The following RALGAPA2 variants were observed in gnomAD, a reference collection of about 807,000 sequenced individuals.
RALGAPA2 encodes ral GTPase-activating protein subunit alpha-2.
RALGAPA2 carries 139 observed loss-of-function variants against 230.4 expected under a neutral mutation model. The observed-to-expected ratio is 0.60, with a 90% CI of 0.53 to 0.69. The LOEUF is 0.69. Among genes scored for constraint, RALGAPA2 ranks in the 30% least tolerant of loss-of-function variants. The pLI, the probability that RALGAPA2 is intolerant of heterozygous loss-of-function variation, is 0.00. For synonymous variants in RALGAPA2, 847 were observed against 837.8 expected, an observed-to-expected ratio of 1.01 and a Z score of -0.19; for missense variants, 2,163 against 2,276.0, an observed-to-expected ratio of 0.95 and a Z score of 1.01.
At chr20:20,583,331 G>T in intron 19 of RALGAPA2, 105 bp from the exon 20 acceptor site, 1 of 1,231,680 alleles carries the variant, frequency 8.1e-7, no homozygotes, top group South Asian at 1.6e-5. Flanking sequence ...GACACAGTAG[G>T]AATCATTCAT....
intron 16 of RALGAPA2, among the ~76,000 whole-genome samples, 199 bp downstream of exon 16, chr20:20,601,483 T>C (rs1210378406): frequency 6.6e-6 from 1 of 152,212 alleles, no homozygotes; most frequent in Non-Finnish European, 1.5e-5. Context: ...TTTCTCACAA[T>C]GGAGGATTTA....
In RALGAPA2 at chr20:20,541,698, A is replaced by AC. The variant is rs2063646715; in HGVS notation, c.3286-4915dup. 2.6e-5 allele frequency among the ~76,000 whole-genome samples: 4 copies of AC among 152,320 alleles called. No homozygotes were observed. In the South Asian group the frequency reaches 8.3e-4, roughly 32 times the overall value. ...TTCCATTTAATATTTTTGGACCACC[A>AC]CTGACTGTGGTAACTGATATCAGAA... On this transcript the variant is annotated intron_variant, in intron 24 of 39. Coordinates refer to ENST00000202677, the MANE Select transcript of RALGAPA2 (RefSeq NM_020343.4).
intron 38 of RALGAPA2, among the ~76,000 whole-genome samples, chr20:20,402,933 T>C (rs947364004): frequency 6.6e-6 from 1 of 152,190 alleles, no homozygotes; most frequent in Non-Finnish European, 1.5e-5. Context: ...CTCACTCAGC[T>C]CTAAGGAGGC....
Position 20,620,495 on chromosome 20 carries a change from T to A in RALGAPA2, c.1369A>T (p.Lys457Ter), listed in dbSNP as rs766475836. ...CTATCAGTCTCGGAAAATCCTAATT[T>A]TTCAGCATCTTCTTGGGCAACATCT... ...RKDVAQEDAE[K>*]LGFSETDSKE... The change falls in exon 11 of 40, where the codon AAA (lysine) becomes TAA (stop). Residue 457 changes from lysine (K) to a stop codon, truncating the protein, a stop_gained. Transcript: ENST00000202677. LOFTEE classifies it high-confidence loss of function. 5.5e-5 allele frequency: 88 copies of A among 1,613,848 alleles called. No individual in the cohort carries two copies. The highest frequency in any genetic ancestry group is 7.4e-5 in the Non-Finnish European group (87 of 1,179,848).
At chr20:20,677,013 T>C (rs1294893831) in intron 2 of RALGAPA2, among the ~76,000 whole-genome samples, 2 of 152,166 alleles carry the variant, frequency 1.3e-5, no homozygotes, top group African/African-American at 4.8e-5. Context: ...GGACCCCTGA[T>C]CTAACTGAAT....
intron 9 of RALGAPA2, 64 bp from the exon 10 acceptor site, chr20:20,629,654 T>A: frequency 6.5e-7 from 1 of 1,535,572 alleles, no homozygotes; most frequent in Non-Finnish European, 9.0e-7. Flanking sequence ...CTGGCAAAAC[T>A]TCAGTCTTGC....
At chr20:20,612,450 T>C (rs2066004409) in intron 13 of RALGAPA2, among the ~76,000 whole-genome samples, 1 of 152,244 alleles carries the variant, frequency 6.6e-6, no homozygotes, top group Non-Finnish European at 1.5e-5. Flanking sequence ...AGTTCCCGTT[T>C]ACTTTTCTCA....
chr20:20,627,501 C>T (rs1439271860), intron 10 of RALGAPA2, among the ~76,000 whole-genome samples: 2 of 151,988 alleles, frequency 1.3e-5, no homozygotes, highest in Non-Finnish European at 2.9e-5. Context: ...AATGTAGACA[C>T]TGAGAGTCTA....
intron 23 of RALGAPA2, among the ~76,000 whole-genome samples, chr20:20,555,416 T>A (rs780451498): frequency 6.6e-6 from 1 of 152,216 alleles, no homozygotes; most frequent in African/African-American, 2.4e-5. Flanking sequence ...TCCCTCCAAT[T>A]CCATGTGAAA....
At chr20:20,443,370 T>TG (rs1219699425) in intron 37 of RALGAPA2, among the ~76,000 whole-genome samples, 9 of 152,324 alleles carry the variant, frequency 5.9e-5, no homozygotes, top group African/African-American at 2.2e-4. Flanking sequence ...GTCCAGATAG[T>TG]GACTCTTCTG....
At chr20:20,624,069 G>A (rs1052116989) in intron 10 of RALGAPA2, among the ~76,000 whole-genome samples, 1 of 152,176 alleles carries the variant, frequency 6.6e-6, no homozygotes, top group South Asian at 2.1e-4. Flanking sequence ...GCTCAGGCCT[G>A]TGATCCTAGC....
chr20:20,439,244 A>G (rs2060681895), intron 37 of RALGAPA2, among the ~76,000 whole-genome samples: 1 of 150,708 alleles, frequency 6.6e-6, no homozygotes. Flanking sequence ...ACAGGGTCTC[A>G]CTTTTTCACC....
chr20:20,492,552 G>A (rs574295333), intron 36 of RALGAPA2, among the ~76,000 whole-genome samples: 1 of 152,262 alleles, frequency 6.6e-6, no homozygotes, highest in Admixed American at 6.5e-5. Context: ...CTGGGGAATG[G>A]GTAAATTATT....
At chr20:20,504,341 T>A (rs967610172) in intron 34 of RALGAPA2, among the ~76,000 whole-genome samples, 2 of 152,204 alleles carry the variant, frequency 1.3e-5, no homozygotes, top group African/African-American at 4.8e-5. Flanking sequence ...GACTCTGATG[T>A]ACTCTTACCC....
intron 3 of RALGAPA2, among the ~76,000 whole-genome samples, chr20:20,675,013 C>G (rs939570516): frequency 1.2e-4 from 19 of 152,002 alleles, no homozygotes; most frequent in African/African-American, 4.6e-4. Flanking sequence ...GATTCTTTAA[C>G]CATTACATAA....
intron 1 of RALGAPA2, among the ~76,000 whole-genome samples, chr20:20,689,320 G>T (rs2068816443): frequency 6.6e-6 from 1 of 152,178 alleles, no homozygotes; most frequent in African/African-American, 2.4e-5. Flanking sequence ...GCATAACTAT[G>T]AGTAAATATT....
At chr20:20,535,856 C>T in intron 25 of RALGAPA2, 53 bp from the exon 26 acceptor site, 1 of 1,522,642 alleles carries the variant, frequency 6.6e-7, no homozygotes, top group Non-Finnish European at 8.8e-7. Flanking sequence ...GTTGGTTTCC[C>T]ACATGTTCTG....
At position 20,620,512 on chromosome 20, in the gene RALGAPA2, G is replaced by A. The variant is rs2066286817; in HGVS notation, c.1352C>T (p.Ala451Val). 2 of 1,613,738 alleles carry A rather than the reference G, an allele frequency of 1.2e-6. No homozygotes were observed. ...FMEEPDRKDV[A>V]QEDAEKLGFS... ...TCCTAATTTTTCAGCATCTTCTTGG[G>A]CAACATCTTTTCTATCTGGCTCCTC... is the stretch of plus-strand genomic sequence containing the variant. Residue 451 changes from alanine (A) to valine (V), a missense_variant, in exon 11 of 40, where the codon GCC becomes GTC. By Grantham distance (64) the Ala-to-Val change is moderately conservative (BLOSUM62 0). Transcript: ENST00000202677.
In RALGAPA2 at chr20:20,495,255, GTCATTCCCCAAGTGACGAAGCTGCAACA is replaced by G; in HGVS notation, c.5209-8_5228del. On this transcript the variant is annotated splice_acceptor_variant and splice_polypyrimidine_tract_variant and coding_sequence_variant and intron_variant, in exon 36 of 40. Transcript: ENST00000202677. LOFTEE classifies it high-confidence loss of function. The stretch of plus-strand genomic sequence containing the variant: ...GTTCAGACCAGACGATATGGACCTC[GTCATTCCCCAAGTGACGAAGCTGCAACA>G]GCAAATTGACTGTTTATTAATCAGG... 1 of 1,532,076 alleles carries G rather than the reference GTCATTCCCCAAGTGACGAAGCTGCAACA, an allele frequency of 6.5e-7. No homozygotes were observed. 94.9% of individuals were successfully genotyped at this position (1,532,076 alleles called of 1,614,324 possible).
Sources: allele counts gnomAD v4.1 joint callset (sites outside exome capture counted in the v4.1 genomes callset), GRCh38; gene constraint gnomAD v4.1.1; transcripts MANE v1.5; gene names NCBI Gene and HGNC (gene_info 2026-07-23, HGNC 2026-07-21).